Variants in WDR7 observed in about 807,000 individuals in gnomAD.
WDR7 encodes the protein WD repeat domain 7, also known as WD repeat-containing protein 7.
A neutral mutation model predicts 169.4 loss-of-function variants in WDR7; 46 were observed. The ratio of observed to expected loss-of-function variants is 0.27; its 90% CI spans 0.21 to 0.35. WDR7 has a LOEUF of 0.35. Among genes scored for constraint, WDR7 ranks in the 10% least tolerant of loss-of-function variants. WDR7 has a pLI of 1.00. For missense variants in WDR7, 1,534 were observed against 1,859.3 expected (o/e 0.83, Z 3.22); for synonymous variants, 612 against 666.8 (o/e 0.92, Z 1.27).
intron 20 of WDR7, among the ~76,000 whole-genome samples, chr18:56,840,250 C>T (rs2045462047): frequency 6.6e-6 from 1 of 151,864 alleles, no homozygotes; most frequent in Non-Finnish European, 1.5e-5. Context: ...TAGAGGGTTT[C>T]TCCAGAGAAA....
chr18:56,893,632 A>G (rs1157210693), intron 21 of WDR7, among the ~76,000 whole-genome samples: 2 of 152,048 alleles, frequency 1.3e-5, no homozygotes, highest in Admixed American at 6.6e-5. Flanking sequence ...ACCCAATTCA[A>G]CTGGACACTG....
At chr18:56,714,800 T>G (rs1010450065) in intron 12 of WDR7, among the ~76,000 whole-genome samples, 2 of 152,216 alleles carry the variant, frequency 1.3e-5, no homozygotes, top group African/African-American at 4.8e-5. Flanking sequence ...AAGTATTCTT[T>G]AAAACATATT....
At chr18:56,770,280 GTCTTA>G (rs1293369631) in intron 16 of WDR7, among the ~76,000 whole-genome samples, 2 of 152,160 alleles carry the variant, frequency 1.3e-5, no homozygotes, top group African/African-American at 4.8e-5. Flanking sequence ...CAGACACTTT[GTCTTA>G]TCTTTGTGTG....
At chr18:56,848,114 G>A (rs971975817) in intron 20 of WDR7, among the ~76,000 whole-genome samples, 1 of 152,200 alleles carries the variant, frequency 6.6e-6, no homozygotes, top group African/African-American at 2.4e-5. Context: ...AGCCACAGAG[G>A]CTGCACCTTG....
Position 56,943,815 on chromosome 18 carries a change from C to T in WDR7, c.4064+4422C>T, listed in dbSNP as rs80215240. On this transcript the variant is annotated intron_variant, in intron 25 of 27. Transcript: ENST00000254442. ...TGAGTATTTAAAAACAGAATGTATT[C>T]TGACTTGTGGTAAACATAAAATTAT... Among the ~76,000 whole-genome samples the T allele has an allele frequency of 8.6e-3, 1,302 of 152,038 alleles. 10 individuals carry two copies. Among genetic ancestry groups the T allele is most frequent in the Middle Eastern group, 0.014 (4 of 294 alleles).
At chr18:56,905,990 C>T (rs7236289) in intron 21 of WDR7, among the ~76,000 whole-genome samples, 123,913 of 152,082 alleles carry the variant, frequency 0.81, 50,908 homozygotes, top group East Asian at 0.98. Context: ...TTCTTTATAA[C>T]AATATTGTAG....
intron 4 of WDR7, among the ~76,000 whole-genome samples, 170 bp from the exon 5 acceptor site, chr18:56,682,509 G>A (rs2025368704): frequency 1.3e-5 from 2 of 152,136 alleles, no homozygotes; most frequent in Admixed American, 1.3e-4. Context: ...ATATATGTGT[G>A]TGCACATACA....
intron 26 of WDR7, among the ~76,000 whole-genome samples, chr18:56,995,838 C>T (rs531981764): frequency 7.2e-5 from 11 of 152,256 alleles, no homozygotes; most frequent in African/African-American, 2.4e-4. Context: ...TGTGCATGTC[C>T]GTGGGTTCCT....
chr18:56,712,900 C>T (rs2026115796), intron 12 of WDR7, among the ~76,000 whole-genome samples: 3 of 152,144 alleles, frequency 2.0e-5, no homozygotes, highest in Admixed American at 2.0e-4. Context: ...TGAACATTTA[C>T]TAGAAGGAGG....
intron 20 of WDR7, among the ~76,000 whole-genome samples, chr18:56,828,442 A>G (rs150869545): frequency 7.2e-5 from 11 of 152,292 alleles, no homozygotes; most frequent in Non-Finnish European, 1.2e-4. Flanking sequence ...GATAATGGAG[A>G]CAAGCTTTCC....
At chr18:56,761,132 C>T (rs902426543) in intron 16 of WDR7, among the ~76,000 whole-genome samples, 65 of 151,298 alleles carry the variant, frequency 4.3e-4, no homozygotes, top group African/African-American at 1.5e-3. Context: ...ACCTCTGCCT[C>T]CCGAGCAAGT....
At chr18:56,971,905 C>G (rs915308315) in intron 26 of WDR7, among the ~76,000 whole-genome samples, 1 of 152,048 alleles carries the variant, frequency 6.6e-6, no homozygotes, top group Non-Finnish European at 1.5e-5. Flanking sequence ...ACAATTATTT[C>G]AATAGATAAG....
At chr18:56,847,833 C>T (rs918933445) in intron 20 of WDR7, among the ~76,000 whole-genome samples, 11 of 152,170 alleles carry the variant, frequency 7.2e-5, no homozygotes, top group Non-Finnish European at 1.3e-4. Flanking sequence ...GAACAGAATG[C>T]AAGAGTCAAG....
intron 21 of WDR7, among the ~76,000 whole-genome samples, chr18:56,896,325 A>G (rs1217126108): frequency 6.6e-6 from 1 of 151,852 alleles, no homozygotes; most frequent in Non-Finnish European, 1.5e-5. Flanking sequence ...TTGTTATTGA[A>G]CTTGGCATGC....
At chr18:56,803,011 A>G (rs1477886659) in intron 19 of WDR7, among the ~76,000 whole-genome samples, 1 of 151,638 alleles carries the variant, frequency 6.6e-6, no homozygotes, top group African/African-American at 2.4e-5. Context: ...GCTTTTTATC[A>G]TGTATCTTCT....
rs2025309656 is a variant in WDR7 at position 56,679,324 on chromosome 18, A to G, written c.160-8A>G. ...GGTACTTAAACTAGCATATTTTTGCATTTCTAGATTAATCCTCGAGCACTG... is the reference window on the plus strand; with the variant it reads ...GGTACTTAAACTAGCATATTTTTGCGTTTCTAGATTAATCCTCGAGCACTG... On this transcript the variant is annotated splice_region_variant and splice_polypyrimidine_tract_variant and intron_variant, in intron 2 of 27. Coordinates refer to ENST00000254442, the MANE Select transcript of WDR7 (RefSeq NM_015285.3). The G allele has an allele frequency of 6.2e-7, 1 of 1,600,874 alleles. No individual in the cohort carries two copies. The highest frequency in any genetic ancestry group is 1.3e-5 in the African/African-American group (1 of 74,692).
At chr18:56,687,861 C>T (rs1048921394) in intron 7 of WDR7, among the ~76,000 whole-genome samples, 1 of 152,192 alleles carries the variant, frequency 6.6e-6, no homozygotes, top group African/African-American at 2.4e-5. Context: ...CTCCTGGGCT[C>T]AGGCGATCCT....
chr18:56,773,070 A>G (rs1362190718), intron 16 of WDR7, among the ~76,000 whole-genome samples: 2 of 152,164 alleles, frequency 1.3e-5, no homozygotes, highest in Non-Finnish European at 1.5e-5. Flanking sequence ...TGAGCTGCCA[A>G]TTCTATTGGA....
chr18:56,946,536 C>T (rs1156406283), intron 25 of WDR7, among the ~76,000 whole-genome samples: 1 of 152,122 alleles, frequency 6.6e-6, no homozygotes, highest in African/African-American at 2.4e-5. Flanking sequence ...CAGTTCAAAG[C>T]CAAAGTCCCT....
Sources: gnomAD v4.1 joint callset for allele counts (sites outside exome capture counted in the v4.1 genomes callset) on GRCh38, gnomAD v4.1.1 for gene constraint, MANE v1.5 for transcripts, NCBI Gene and HGNC (gene_info 2026-07-23, HGNC 2026-07-21) for gene names.